Variants in SH3KBP1 observed in about 807,000 individuals in gnomAD.
The protein encoded by SH3KBP1 is SH3 domain containing kinase binding protein 1, also known as SH3 domain-containing kinase-binding protein 1.
A neutral mutation model predicts 50.1 loss-of-function variants in SH3KBP1; 8 were observed. The ratio of observed to expected loss-of-function variants is 0.16; its 90% CI spans 0.09 to 0.29. The LOEUF is 0.29. SH3KBP1 is among the 10% of genes least tolerant of loss of function. SH3KBP1 has a pLI of 1.00. For synonymous variants in SH3KBP1, 227 were observed against 218.6 expected (o/e 1.04, Z -0.34); for missense variants, 377 against 535.2 (o/e 0.70, Z 2.92).
At chrX:19,830,953 A>G (rs2067855300) in intron 2 of SH3KBP1, among the ~76,000 whole-genome samples, 2 of 112,415 alleles carry the variant, frequency 1.8e-5, no homozygotes, top group Admixed American at 1.9e-4. Context: ...GACAAAGCAC[A>G]GGTATCTTCT....
intron 1 of SH3KBP1, among the ~76,000 whole-genome samples, chrX:19,885,381 C>T (rs942767619): frequency 9.8e-5 from 11 of 111,870 alleles, no homozygotes; most frequent in African/African-American, 3.3e-4. Context: ...AATTAAATTA[C>T]ATTCGTTTTG....
intron 2 of SH3KBP1, among the ~76,000 whole-genome samples, chrX:19,786,004 CACA>C (rs2066334671): frequency 1.8e-5 from 2 of 111,900 alleles, no homozygotes; most frequent in Non-Finnish European, 3.8e-5. Context: ...AGATTAGTGG[CACA>C]ACAATGTGCA....
chrX:19,827,196 G>T (rs2067708747), intron 2 of SH3KBP1, among the ~76,000 whole-genome samples: 1 of 111,998 alleles, frequency 8.9e-6, no homozygotes, highest in Non-Finnish European at 1.9e-5. Context: ...GCACACATAG[G>T]ACATGCAAGC....
intron 1 of SH3KBP1, among the ~76,000 whole-genome samples, chrX:19,848,294 A>AG (rs2068415992): frequency 8.9e-6 from 1 of 111,909 alleles, no homozygotes; most frequent in Non-Finnish European, 1.9e-5. Flanking sequence ...AAACACTACT[A>AG]GGGTCATGTC....
chrX:19,765,333 T>C (rs1464663752), intron 2 of SH3KBP1, among the ~76,000 whole-genome samples: 1 of 111,243 alleles, frequency 9.0e-6, no homozygotes, highest in Non-Finnish European at 1.9e-5. Context: ...TGGGCTAAAA[T>C]GGAGGTGTTG....
chrX:19,761,233 G>T (rs1314403788), intron 2 of SH3KBP1, among the ~76,000 whole-genome samples: 1 of 87,622 alleles, frequency 1.1e-5, no homozygotes, highest in African/African-American at 4.3e-5. Context: ...GAGGGAGAGG[G>T]AGATGGTGGT....
At chrX:19,775,355 T>C (rs749182212) in intron 2 of SH3KBP1, among the ~76,000 whole-genome samples, 1 of 112,073 alleles carries the variant, frequency 8.9e-6, no homozygotes, top group East Asian at 2.8e-4. Context: ...AATCTAAATA[T>C]TGGGTGGGCT....
At chrX:19,543,807 A>G (rs1209189880) in intron 15 of SH3KBP1, among the ~76,000 whole-genome samples, 1 of 111,095 alleles carries the variant, frequency 9.0e-6, no homozygotes, top group Non-Finnish European at 1.9e-5. Context: ...GGAGGCCAGG[A>G]GGGCCGAGGA....
chrX:19,574,804 T>C (rs1440544304), intron 12 of SH3KBP1, among the ~76,000 whole-genome samples: 1 of 112,402 alleles, frequency 8.9e-6, no homozygotes, highest in Non-Finnish European at 1.9e-5. Context: ...CATGTATATG[T>C]CTGTTATGGA....
chrX:19,839,800 T>A (rs1264401098), intron 1 of SH3KBP1, among the ~76,000 whole-genome samples: 1 of 111,688 alleles, frequency 9.0e-6, no homozygotes, highest in Non-Finnish European at 1.9e-5. Flanking sequence ...CCTGAATGCC[T>A]TCTGGGTATG....
chrX:19,880,614 G>A (rs2069403974), intron 1 of SH3KBP1, among the ~76,000 whole-genome samples: 2 of 112,582 alleles, frequency 1.8e-5, no homozygotes, highest in African/African-American at 6.5e-5. Flanking sequence ...TGCACAAGCG[G>A]TGTGGGAGGC....
intron 4 of SH3KBP1, among the ~76,000 whole-genome samples, chrX:19,702,264 A>G (rs1489867200): frequency 1.8e-5 from 2 of 112,275 alleles, no homozygotes; most frequent in Non-Finnish European, 3.8e-5. Flanking sequence ...TGGGCAAAAA[A>G]TGACATGAGG....
chrX:19,616,136 A>C (rs1027735017), intron 8 of SH3KBP1, among the ~76,000 whole-genome samples: 1 of 110,870 alleles, frequency 9.0e-6, no homozygotes, highest in South Asian at 3.8e-4. Flanking sequence ...TAATTTTTTA[A>C]TTTTTTGTAG....
intron 6 of SH3KBP1, among the ~76,000 whole-genome samples, chrX:19,652,140 C>G (rs758687801): frequency 9.0e-4 from 100 of 110,868 alleles, no homozygotes; most frequent in Non-Finnish European, 1.7e-3. Flanking sequence ...TAGATTAGAG[C>G]CCTACTGTTT....
intron 1 of SH3KBP1, among the ~76,000 whole-genome samples, chrX:19,842,510 A>G (rs2068251786): frequency 8.9e-6 from 1 of 111,820 alleles, no homozygotes; most frequent in Admixed American, 9.5e-5. Context: ...TGGGTGACAG[A>G]GCAAGAATCC....
intron 13 of SH3KBP1, among the ~76,000 whole-genome samples, chrX:19,560,127 A>G (rs866744356): frequency 9.9e-6 from 1 of 100,849 alleles, no homozygotes; most frequent in Admixed American, 1.1e-4. Flanking sequence ...CACTAAAAAT[A>G]AAAAAAAAAA....
chrX:19,712,816 G>C lies in SH3KBP1; in HGVS notation c.287-5832C>G, dbSNP rs747113351. On this transcript the variant is annotated intron_variant, in intron 3 of 17. Transcript: ENST00000397821. ...CACTGAGAAGGACCTATAGAATATC[G>C]TCACCTATAGAATACTTCTATAACA... 2.7e-5 allele frequency among the ~76,000 whole-genome samples: 3 copies of C among 111,442 alleles called. No homozygotes were observed. The South Asian group carries it at 1.1e-3, about 42-fold the overall frequency.
intron 12 of SH3KBP1, among the ~76,000 whole-genome samples, chrX:19,579,328 TCGCCTGCAAACC>T (rs1349600445): frequency 2.7e-5 from 3 of 111,519 alleles, no homozygotes; most frequent in Non-Finnish European, 3.8e-5. Flanking sequence ...TCCATAGACG[TCGCCTGCAAACC>T]CACAGCTTGA....
intron 1 of SH3KBP1, among the ~76,000 whole-genome samples, chrX:19,856,951 CTT>C (rs758486199): frequency 9.0e-4 from 18 of 20,038 alleles, no homozygotes; most frequent in African/African-American, 2.3e-3. Flanking sequence ...TAATACTAGT[CTT>C]TTTTTTTTTT....
Sources: gnomAD v4.1 joint callset for allele counts (sites outside exome capture counted in the v4.1 genomes callset) on GRCh38, gnomAD v4.1.1 for gene constraint, MANE v1.5 for transcripts, NCBI Gene and HGNC (gene_info 2026-07-23, HGNC 2026-07-21) for gene names.